Variants in KCNH5 observed in about 807,000 individuals in gnomAD.
KCNH5 encodes potassium voltage-gated channel subfamily H member 5.
A neutral mutation model predicts 96.1 loss-of-function variants in KCNH5; 46 were observed. The observed-to-expected ratio is 0.48, with a 90% CI of 0.38 to 0.61. The LOEUF is 0.61. KCNH5 is among the 20% of genes least tolerant of loss of function. The pLI is 0.00. For missense variants in KCNH5, 907 were observed against 1,225.8 expected, an observed-to-expected ratio of 0.74 and a Z score of 3.88; for synonymous variants, 439 against 449.8, an observed-to-expected ratio of 0.98 and a Z score of 0.30.
At chr14:62,766,246 C>T (rs1374348326) in intron 10 of KCNH5, among the ~76,000 whole-genome samples, 1 of 152,110 alleles carries the variant, frequency 6.6e-6, no homozygotes, top group Non-Finnish European at 1.5e-5. Context: ...ATTAGTACAA[C>T]CACTATGTAT....
intron 1 of KCNH5, among the ~76,000 whole-genome samples, chr14:63,037,166 C>G (rs1342435587): frequency 6.6e-6 from 1 of 152,152 alleles, no homozygotes; most frequent in African/African-American, 2.4e-5. Context: ...TTAATCCTCA[C>G]TCTAACCCCA....
chr14:62,757,271 T>C (rs2139951375), intron 10 of KCNH5, among the ~76,000 whole-genome samples: 1 of 152,314 alleles, frequency 6.6e-6, no homozygotes, highest in South Asian at 2.1e-4. Context: ...AAATGGCTTT[T>C]ATCCAAAACA....
At chr14:62,996,415 C>A (rs1002109282) in intron 4 of KCNH5, among the ~76,000 whole-genome samples, 1 of 152,074 alleles carries the variant, frequency 6.6e-6, no homozygotes, top group Non-Finnish European at 1.5e-5. Context: ...GGAAAGAGAC[C>A]TTTTTCTCTA....
intron 10 of KCNH5, among the ~76,000 whole-genome samples, chr14:62,775,684 G>C (rs1012124265): frequency 1.3e-5 from 2 of 152,140 alleles, no homozygotes; most frequent in African/African-American, 4.8e-5. Flanking sequence ...AAGTAGAATA[G>C]ATTTGCTTTC....
chr14:62,756,991 CAA>C (rs1885637894), intron 10 of KCNH5, among the ~76,000 whole-genome samples: 2 of 151,970 alleles, frequency 1.3e-5, no homozygotes, highest in Admixed American at 6.6e-5. Context: ...AAACAATAAA[CAA>C]AGTGAAGAGA....
intron 8 of KCNH5, among the ~76,000 whole-genome samples, chr14:62,833,924 ATTACC>A (rs2140030391): frequency 6.6e-6 from 1 of 152,102 alleles, no homozygotes; most frequent in South Asian, 2.1e-4. Context: ...CACTGTCTTA[ATTACC>A]TTACATTACT....
intron 10 of KCNH5, among the ~76,000 whole-genome samples, chr14:62,716,561 C>T (rs375071928): frequency 6.6e-6 from 1 of 152,140 alleles, no homozygotes; most frequent in Non-Finnish European, 1.5e-5. Flanking sequence ...CCTTCTTCCT[C>T]CTCACCCACT....
intron 10 of KCNH5, among the ~76,000 whole-genome samples, chr14:62,752,324 A>G (rs1403698316): frequency 6.6e-6 from 1 of 151,968 alleles, no homozygotes; most frequent in Non-Finnish European, 1.5e-5. Context: ...AGAAGAGGAG[A>G]GAAAAGAATG....
At chr14:62,781,358 A>G (rs111775134) in intron 9 of KCNH5, among the ~76,000 whole-genome samples, 3 of 152,354 alleles carry the variant, frequency 2.0e-5, no homozygotes, top group African/African-American at 7.2e-5. Flanking sequence ...AAAATTGCTA[A>G]TGAAGTTTCA....
chr14:62,968,612 C>T (rs1244299394), intron 6 of KCNH5, among the ~76,000 whole-genome samples: 1 of 152,182 alleles, frequency 6.6e-6, no homozygotes, highest in Non-Finnish European at 1.5e-5. Flanking sequence ...GAGTTTAGAG[C>T]ACAGCTAAGA....
chr14:62,748,102 T>G (rs1333703929), intron 10 of KCNH5, among the ~76,000 whole-genome samples: 1 of 152,146 alleles, frequency 6.6e-6, no homozygotes, highest in Admixed American at 6.5e-5. Flanking sequence ...CCAGAAAGAA[T>G]TCAGGGTGAG....
At chr14:62,995,456 G>T (rs1477998675) in intron 4 of KCNH5, among the ~76,000 whole-genome samples, 1 of 152,060 alleles carries the variant, frequency 6.6e-6, no homozygotes, top group Non-Finnish European at 1.5e-5. Context: ...TGAAGTCCCT[G>T]AGTCTTCTCT....
intron 7 of KCNH5, among the ~76,000 whole-genome samples, chr14:62,913,443 G>A (rs1353555110): frequency 1.3e-5 from 2 of 149,090 alleles, no homozygotes; most frequent in African/African-American, 5.2e-5. Flanking sequence ...GTCCAGGCTG[G>A]TCTCAAACTC....
intron 10 of KCNH5, among the ~76,000 whole-genome samples, chr14:62,775,726 CCA>C (rs1179460705): frequency 6.6e-6 from 1 of 152,134 alleles, no homozygotes; most frequent in Non-Finnish European, 1.5e-5. Context: ...ATTCATATGC[CCA>C]CTGTTGTCCC....
At chr14:62,896,612 C>A (rs1888818745) in intron 7 of KCNH5, among the ~76,000 whole-genome samples, 1 of 152,174 alleles carries the variant, frequency 6.6e-6, no homozygotes, top group South Asian at 2.1e-4. Context: ...CATCCAGCAA[C>A]AGAATTCACA....
intron 8 of KCNH5, among the ~76,000 whole-genome samples, chr14:62,833,580 T>C (rs1887404639): frequency 6.6e-6 from 1 of 152,090 alleles, no homozygotes. Context: ...TTTAGCTTTG[T>C]TTTTCTTTCT....
chr14:62,753,637 T>C (rs1034271903), intron 10 of KCNH5, among the ~76,000 whole-genome samples: 7 of 152,264 alleles, frequency 4.6e-5, no homozygotes, highest in East Asian at 1.9e-4. Flanking sequence ...CCAATACATA[T>C]GGCAGCAGAC....
At position 62,802,459 on chromosome 14, in the gene KCNH5, T is replaced by C. The variant is rs747957418; in HGVS notation, c.1692A>G (p.Val564=). 5 of 1,614,020 alleles carry C rather than the reference T, an allele frequency of 3.1e-6. No individual in the cohort carries two copies. Among genetic ancestry groups the C allele is most frequent in the South Asian group, 1.1e-5 (1 of 91,086 alleles). The change falls in exon 9 of 11, where the codon GTA becomes GTG. Residue 564 remains valine, a synonymous_variant. Coordinates refer to ENST00000322893, the MANE Select transcript of KCNH5 (RefSeq NM_139318.5). ...GAGCACAGTGAATGGTTTGGAACTC[T>C]ACCGCCAAGGCGCGCAGACACCCAT... is the stretch of plus-strand genomic sequence containing the variant. ...ASDGCLRALA[V]EFQTIHCAPG...
intron 10 of KCNH5, among the ~76,000 whole-genome samples, chr14:62,740,741 C>T (rs535375585): frequency 6.5e-4 from 99 of 152,170 alleles, no homozygotes; most frequent in African/African-American, 2.2e-3. Context: ...CTGCATTGCA[C>T]AGCTGATTAT....
Sources: gnomAD v4.1 joint callset for allele counts (sites outside exome capture counted in the v4.1 genomes callset) on GRCh38, gnomAD v4.1.1 for gene constraint, MANE v1.5 for transcripts, NCBI Gene and HGNC (gene_info 2026-07-23, HGNC 2026-07-21) for gene names.